LRRK1: variants seen among roughly 807,000 people sequenced by gnomAD.
LRRK1 encodes leucine rich repeat kinase 1, also known as leucine-rich repeat serine/threonine-protein kinase 1.
Under a neutral mutation model 209.1 loss-of-function variants are expected in LRRK1, and 113 were observed. That is an observed-to-expected ratio of 0.54 (90% CI 0.46 to 0.63). LRRK1 has a LOEUF of 0.63. LRRK1 is among the 30% of genes least tolerant of loss of function. The probability of loss-of-function intolerance (pLI) is 0.00; values close to 1 mark genes in which losing one functional copy is unlikely to be tolerated. For missense variants in LRRK1, 2,284 were observed against 2,632.2 expected (o/e 0.87, Z 2.89); for synonymous variants, 1,144 against 1,099.7 (o/e 1.04, Z -0.80).
chr15:100,941,149 T>A (rs1029893992), intron 2 of LRRK1, among the ~76,000 whole-genome samples: 3 of 152,110 alleles, frequency 2.0e-5, no homozygotes, highest in Admixed American at 2.0e-4. Flanking sequence ...TATGTGTGTC[T>A]GTGTGTCTGC....
At chr15:101,002,446 G>T (rs1474212357) in intron 6 of LRRK1, among the ~76,000 whole-genome samples, 1 of 152,220 alleles carries the variant, frequency 6.6e-6, no homozygotes, top group African/African-American at 2.4e-5. Context: ...AATTTAAAGG[G>T]CTCATGCTTG....
chr15:101,056,776 C>T, intron 27 of LRRK1, 80 bp from the exon 28 acceptor site: 1 of 1,122,404 alleles, frequency 8.9e-7, no homozygotes, highest in Non-Finnish European at 1.3e-6. Flanking sequence ...TTGTGTCTCC[C>T]TGGTCCCTCC....
In LRRK1 at chr15:101,069,669, A is replaced by G. The variant is rs2036713816; in HGVS notation, c.*821A>G. On this transcript the variant is annotated 3_prime_UTR_variant, in exon 34 of 34. Coordinates refer to ENST00000388948, the MANE Select transcript of LRRK1 (RefSeq NM_024652.6). ...GAGCACAGGCCCTGTTTGTTTGCAC[A>G]TAATAATCTTGTTTATCACTTTAAA... 1 of 152,682 alleles carries G rather than the reference A, an allele frequency of 6.5e-6. No homozygotes were observed. The highest frequency in any genetic ancestry group is 2.4e-5 in the African/African-American group (1 of 41,470). 9.5% of individuals were successfully genotyped at this position (152,682 alleles called of 1,614,324 possible).
intron 20 of LRRK1, among the ~76,000 whole-genome samples, chr15:101,041,729 G>C (rs2034766056): frequency 6.6e-6 from 1 of 152,164 alleles, no homozygotes; most frequent in African/African-American, 2.4e-5. Context: ...ACAGCTGGTG[G>C]ATTTCCAGAC....
intron 3 of LRRK1, among the ~76,000 whole-genome samples, chr15:100,975,185 T>C (rs1209548315): frequency 6.6e-6 from 1 of 152,192 alleles, no homozygotes; most frequent in Non-Finnish European, 1.5e-5. Flanking sequence ...GCTCCTCGGG[T>C]GCACCCCAGT....
chr15:100,993,072 C>T (rs1174345812), intron 6 of LRRK1, among the ~76,000 whole-genome samples: 6 of 152,280 alleles, frequency 3.9e-5, no homozygotes, highest in Admixed American at 1.3e-4. Context: ...GCAGGGCCTT[C>T]GTCTGTGTCT....
At chr15:100,983,493 C>G (rs888874411) in intron 3 of LRRK1, 35 bp from the exon 4 acceptor site, 7 of 1,533,850 alleles carry the variant, frequency 4.6e-6, no homozygotes, top group African/African-American at 4.1e-5. Context: ...CCTAATAGAG[C>G]CAGTCTCACT....
In LRRK1 at chr15:101,021,192, C is replaced by A; in HGVS notation, c.1739+10C>A. ...AGCTCTACTTGGGAAAGTAAGTACA[C>A]ATCTGGAGGGGCCGTGCTGGCTCTG... is the stretch of plus-strand genomic sequence containing the variant. On this transcript the variant is annotated intron_variant, in intron 13 of 33. Transcript: ENST00000388948. 6.2e-7 allele frequency: 1 copy of A among 1,613,990 alleles called. No individual in the cohort carries two copies. Among genetic ancestry groups the A allele is most frequent in the South Asian group, 1.1e-5 (1 of 91,070 alleles).
In LRRK1 at chr15:100,919,358, G is replaced by T; in HGVS notation, c.-216G>T. ...GGGCCCGGCCCCGGCGCGGGGGGCAGACGGCGGTGGGACGGCCAGGCCCCG... is the reference window on the plus strand; with the variant it reads ...GGGCCCGGCCCCGGCGCGGGGGGCATACGGCGGTGGGACGGCCAGGCCCCG... On this transcript the variant is annotated 5_prime_UTR_variant, in exon 1 of 34. Transcript: ENST00000388948. The surrounding 1 kb of genome is among the most constrained non-coding windows in gnomAD (Gnocchi z 5.8). 1 of 150,386 alleles carries T rather than the reference G, an allele frequency of 6.6e-6. No individual in the cohort carries two copies. Among genetic ancestry groups the T allele is most frequent in the South Asian group, 2.0e-4 (1 of 5,084 alleles). 9.3% of individuals were successfully genotyped at this position (150,386 alleles called of 1,614,324 possible).
intron 12 of LRRK1, among the ~76,000 whole-genome samples, chr15:101,019,758 T>C (rs1202634008): frequency 2.0e-5 from 3 of 152,212 alleles, no homozygotes; most frequent in African/African-American, 7.2e-5. Flanking sequence ...TTGTTTAATC[T>C]TGAATTCTCC....
At position 101,070,526 on chromosome 15, in the gene LRRK1, C is replaced by T. The variant is rs1223264368; in HGVS notation, c.*1678C>T. The T allele has an allele frequency of 6.6e-6, 1 of 152,020 alleles. No homozygotes were observed. Among genetic ancestry groups the T allele is most frequent in the African/African-American group, 2.4e-5 (1 of 41,354 alleles). 9.4% of individuals were successfully genotyped at this position (152,020 alleles called of 1,614,324 possible). A position where few individuals can be genotyped will look rare whatever the true frequency, so the allele number is the denominator to read the frequency against. ...GATTCCATCTGCCCCAGGCCCCAAG[C>T]TTTTGCTTTGGCATCACGCGAGGCC... On this transcript the variant is annotated 3_prime_UTR_variant, in exon 34 of 34. Coordinates refer to ENST00000388948, the MANE Select transcript of LRRK1 (RefSeq NM_024652.6).
At chr15:100,961,067 T>TAG (rs2029906612) in intron 2 of LRRK1, among the ~76,000 whole-genome samples, 1 of 152,206 alleles carries the variant, frequency 6.6e-6, no homozygotes, top group African/African-American at 2.4e-5. Flanking sequence ...ATTTGTTTCT[T>TAG]ACAGTTCTGA....
intron 16 of LRRK1, among the ~76,000 whole-genome samples, chr15:101,025,508 G>A (rs777361653): frequency 1.3e-5 from 2 of 152,210 alleles, no homozygotes; most frequent in African/African-American, 4.8e-5. Flanking sequence ...TCACAATTCC[G>A]CAGACTATAC....
chr15:100,933,297 A>G (rs754960235), intron 2 of LRRK1, among the ~76,000 whole-genome samples: 4 of 152,004 alleles, frequency 2.6e-5, no homozygotes, highest in Non-Finnish European at 5.9e-5. Context: ...AAATTTTCCA[A>G]CGAAAGACCT....
At chr15:100,956,168 C>T (rs2042752599) in intron 2 of LRRK1, among the ~76,000 whole-genome samples, 1 of 152,022 alleles carries the variant, frequency 6.6e-6, no homozygotes, top group African/African-American at 2.4e-5. Context: ...AGTCTCTTTA[C>T]TCATTATTGG....
intron 6 of LRRK1, among the ~76,000 whole-genome samples, chr15:100,992,947 C>T (rs1349552838): frequency 6.6e-6 from 1 of 152,206 alleles, no homozygotes; most frequent in Non-Finnish European, 1.5e-5. Flanking sequence ...AGGCATGAGC[C>T]ACCGTGCCCG....
Position 101,061,168 on chromosome 15 carries a change from C to CTTAG in LRRK1, c.4680-3_4680-2insTTAG. The CTTAG allele has an allele frequency of 6.2e-7, 1 of 1,611,512 alleles. No individual in the cohort carries two copies. Among genetic ancestry groups the CTTAG allele is most frequent in the Non-Finnish European group, 8.5e-7 (1 of 1,177,838 alleles). ...CTGACAGCACAGTTTCTGCCACTTA[C>CTTAG]AGGAACTACACGGTGGTGAACACAG... On this transcript the variant is annotated splice_region_variant and splice_polypyrimidine_tract_variant and intron_variant, in intron 29 of 33. Transcript: ENST00000388948.
At chr15:100,973,665 G>T in intron 2 of LRRK1, 139 bp from the exon 3 acceptor site, 1 of 887,496 alleles carries the variant, frequency 1.1e-6, no homozygotes, top group Non-Finnish European at 1.5e-6. Flanking sequence ...GGAGCGTCGC[G>T]GGGCCACCCC....
intron 28 of LRRK1, 70 bp downstream of exon 28, chr15:101,057,120 G>A (rs1002169557): frequency 9.3e-6 from 13 of 1,391,506 alleles, no homozygotes; most frequent in Admixed American, 4.7e-5. Context: ...TCCCCAGGGG[G>A]TGTGTGCCTG....
Sources: allele counts gnomAD v4.1 joint callset (sites outside exome capture counted in the v4.1 genomes callset), GRCh38; gene constraint gnomAD v4.1.1; non-coding constraint Gnocchi (gnomAD v3.1); transcripts MANE v1.5; gene names NCBI Gene and HGNC (gene_info 2026-07-23, HGNC 2026-07-21).